SMC3: variants seen among roughly 807,000 people sequenced by gnomAD.
SMC3 encodes the protein structural maintenance of chromosomes protein 3.
In SMC3, 20 loss-of-function variants were observed where a neutral mutation model predicts 171.8. The ratio of observed to expected loss-of-function variants is 0.12; its 90% CI spans 0.08 to 0.17. The LOEUF is 0.17. Ranked by LOEUF, SMC3 falls within the 10% of genes least tolerant of loss-of-function variation. The pLI, the probability that SMC3 is intolerant of heterozygous loss-of-function variation, is 1.00. For synonymous variants in SMC3, 464 were observed against 451.1 expected (o/e 1.03, Z -0.36); for missense variants, 543 against 1,420.4 (o/e 0.38, Z 9.93).
chr10:110,600,050 T>C (rs550982393), intron 21 of SMC3, among the ~76,000 whole-genome samples: 1 of 152,368 alleles, frequency 6.6e-6, no homozygotes, highest in African/African-American at 2.4e-5. Flanking sequence ...GCATTACTTA[T>C]TAGTTGTAAG....
intron 18 of SMC3, among the ~76,000 whole-genome samples, chr10:110,595,134 C>T (rs1389515617): frequency 1.3e-5 from 2 of 151,998 alleles, no homozygotes; most frequent in African/African-American, 2.4e-5. Context: ...AGACATGCGC[C>T]ACTATGCCCG....
intron 17 of SMC3, among the ~76,000 whole-genome samples, chr10:110,591,401 G>A (rs942611035): frequency 3.3e-5 from 5 of 152,110 alleles, no homozygotes; most frequent in Non-Finnish European, 7.4e-5. Context: ...AGAGAAAAAA[G>A]CTAAGATATG....
chr10:110,602,332 G>T (rs1861400182), intron 25 of SMC3, 142 bp from the exon 26 acceptor site: 2 of 944,888 alleles, frequency 2.1e-6, no homozygotes, highest in South Asian at 2.8e-5. Context: ...TAACTTGAAT[G>T]TTTTACACAG....
intron 21 of SMC3, 29 bp from the exon 22 acceptor site, chr10:110,600,410 T>C (rs1415209943): frequency 9.1e-7 from 1 of 1,096,052 alleles, no homozygotes; most frequent in Non-Finnish European, 1.4e-6. Context: ...ATGTACATGC[T>C]TATATAGACA....
rs200332040 is a variant in SMC3, at chr10:110,575,436, T to G, written c.198+33T>G. The G allele has an allele frequency of 5.2e-5, 75 of 1,444,002 alleles. No homozygotes were observed. The East Asian group carries it at 1.7e-3, about 33-fold the overall frequency. The allele number at this position is 1,444,002 out of a possible 1,614,324, so 89.4% of individuals were successfully genotyped here. On this transcript the variant is annotated intron_variant, in intron 4 of 28. Coordinates refer to ENST00000361804, the MANE Select transcript of SMC3 (RefSeq NM_005445.4). ...AGACTGCTTTAAGACATTATTGATA[T>G]TACATATATTTTAAAAATAAATTTT...
intron 10 of SMC3, among the ~76,000 whole-genome samples, chr10:110,583,138 C>T (rs185548926): frequency 1.3e-5 from 2 of 152,100 alleles, no homozygotes; most frequent in East Asian, 3.9e-4. Flanking sequence ...GGAGTCCTCC[C>T]ACCTGGGCCT....
rs1016969600 is a variant in SMC3 at position 110,584,246 on chromosome 10, T to C, written c.1155T>C (p.Phe385=). The C allele has an allele frequency of 2.6e-5, 42 of 1,614,040 alleles. No homozygotes were observed. The highest frequency in any genetic ancestry group is 3.5e-5 in the Non-Finnish European group (41 of 1,180,022). The stretch of plus-strand genomic sequence containing the variant: ...CAAAGCAGGGTCGAGGAAGCCAGTT[T>C]ACATCAAAAGAAGAAAGGGATAAGT... ...LYAKQGRGSQ[F]TSKEERDKWI... is the part of the protein sequence containing the mutation. The change falls in exon 13 of 29, where the codon TTT becomes TTC. Residue 385 remains phenylalanine, a synonymous_variant. Transcript: ENST00000361804.
chr10:110,589,496 C>T, intron 13 of SMC3, 109 bp from the exon 14 acceptor site: 1 of 716,570 alleles, frequency 1.4e-6, no homozygotes, highest in East Asian at 2.7e-5. Flanking sequence ...GTAATTCCTC[C>T]CTCACCTTTT....
chr10:110,593,032 A>G, intron 17 of SMC3, 41 bp from the exon 18 acceptor site: 1 of 1,508,582 alleles, frequency 6.6e-7, no homozygotes. Context: ...TTCTTAGTTA[A>G]CTGTGTTGTG....
At chr10:110,584,475 T>C (rs575195800) in intron 13 of SMC3, 79 bp downstream of exon 13, 40 of 1,010,302 alleles carry the variant, frequency 4.0e-5, no homozygotes, top group Non-Finnish European at 5.8e-5. Context: ...TCAAGTTTTC[T>C]TTTTAAATAA....
In SMC3 at chr10:110,583,389, C is replaced by T. The variant is rs148729748; in HGVS notation, c.810C>T (p.Ile270=). 1.0e-4 allele frequency: 162 copies of T among 1,612,536 alleles called. No individual in the cohort carries two copies. Among genetic ancestry groups the T allele is most frequent in the Middle Eastern group, 1.7e-4 (1 of 5,798 alleles). The change falls in exon 11 of 29, where the codon ATC becomes ATT. Residue 270 remains isoleucine (I), a synonymous_variant. Transcript: ENST00000361804. ...TGTTTAATACTTTTGAATAGGATATCGAACGCCAAGTTAGAGAATTGAAAA... is the reference window on the plus strand; with the variant it reads ...TGTTTAATACTTTTGAATAGGATATTGAACGCCAAGTTAGAGAATTGAAAA... The part of the protein sequence containing the change: ...QQDARDKMED[I]ERQVRELKTK...
At chr10:110,581,897 C>G (rs781730726) in intron 8 of SMC3, 26 bp from the exon 9 acceptor site, 1 of 1,589,478 alleles carries the variant, frequency 6.3e-7, no homozygotes, top group Non-Finnish European at 8.6e-7. Flanking sequence ...TTCAATTCTT[C>G]CACCTCTCTC....
chr10:110,594,717 CA>C (rs1861269205), intron 18 of SMC3, among the ~76,000 whole-genome samples: 1 of 152,020 alleles, frequency 6.6e-6, no homozygotes, highest in Admixed American at 6.6e-5. Context: ...CATCTCCCCC[CA>C]AGCTTTGTTT....
chr10:110,604,863 A>T lies in SMC3; in HGVS notation c.*561A>T, dbSNP rs1053498862. ...ATTTATCATTGATACATTACTATCAACTAAGCTCAAGATTTTATTCAGATT... is the reference window on the plus strand; with the variant it reads ...ATTTATCATTGATACATTACTATCATCTAAGCTCAAGATTTTATTCAGATT... On this transcript the variant is annotated 3_prime_UTR_variant, in exon 29 of 29. Coordinates refer to ENST00000361804, the MANE Select transcript of SMC3 (RefSeq NM_005445.4). Among the ~76,000 whole-genome samples the T allele has an allele frequency of 7.2e-5, 11 of 152,202 alleles. No homozygotes were observed. The highest frequency in any genetic ancestry group is 2.7e-4 in the African/African-American group (11 of 41,454).
intron 2 of SMC3, among the ~76,000 whole-genome samples, chr10:110,569,459 A>G (rs1409811242): frequency 6.6e-6 from 1 of 152,046 alleles, no homozygotes; most frequent in African/African-American, 2.4e-5. Flanking sequence ...GCATAACAGA[A>G]TGGGGTTCAA....
chr10:110,590,814 A>G (rs559761325), intron 16 of SMC3, among the ~76,000 whole-genome samples, 177 bp from the exon 17 acceptor site: 2 of 152,322 alleles, frequency 1.3e-5, no homozygotes, highest in East Asian at 3.9e-4. Flanking sequence ...ATTTTCCAAA[A>G]TTATTTGGAT....
chr10:110,569,794 A>G (rs1357661736), intron 2 of SMC3, among the ~76,000 whole-genome samples: 1 of 152,246 alleles, frequency 6.6e-6, no homozygotes, highest in African/African-American at 2.4e-5. Flanking sequence ...GGTGATTGCC[A>G]TTAACAATAT....
intron 4 of SMC3, among the ~76,000 whole-genome samples, chr10:110,576,315 C>T (rs1044890883): frequency 6.6e-6 from 1 of 152,170 alleles, no homozygotes; most frequent in Non-Finnish European, 1.5e-5. Flanking sequence ...TTGGGGACCA[C>T]CTGTATATTT....
chr10:110,588,882 T>TTG (rs958072871), intron 13 of SMC3, among the ~76,000 whole-genome samples: 3 of 151,722 alleles, frequency 2.0e-5, no homozygotes, highest in African/African-American at 4.8e-5. Flanking sequence ...TTGTGTTCTG[T>TTG]TGTGTGTGTG....
Sources: gnomAD v4.1 joint callset for allele counts (sites outside exome capture counted in the v4.1 genomes callset) on GRCh38, gnomAD v4.1.1 for gene constraint, MANE v1.5 for transcripts, NCBI Gene and HGNC (gene_info 2026-07-23, HGNC 2026-07-21) for gene names.